The following BTBD9 variants were observed in gnomAD, a reference collection of about 807,000 sequenced individuals.
The protein encoded by BTBD9 is BTB/POZ domain-containing protein 9.
BTBD9 carries 49 observed loss-of-function variants against 64.3 expected under a neutral mutation model. The observed-to-expected ratio is 0.76, with a 90% CI of 0.61 to 0.97. The LOEUF (loss-of-function observed/expected upper bound fraction) is 0.97. Among genes scored for constraint, BTBD9 ranks in the 50% least tolerant of loss-of-function variants. The pLI is 0.00. For missense variants in BTBD9, 598 were observed against 762.1 expected (o/e 0.78, Z 2.53); for synonymous variants, 260 against 274.7 (o/e 0.95, Z 0.53).
intron 10 of BTBD9, among the ~76,000 whole-genome samples, chr6:38,188,996 C>T (rs1761938697): frequency 6.6e-6 from 1 of 152,174 alleles, no homozygotes; most frequent in South Asian, 2.1e-4. Flanking sequence ...CTTTAGCCAA[C>T]AGAATAGCCA....
intron 6 of BTBD9, among the ~76,000 whole-genome samples, chr6:38,359,993 A>C (rs1017697578): frequency 6.6e-6 from 1 of 152,204 alleles, no homozygotes; most frequent in Non-Finnish European, 1.5e-5. Context: ...CTTTTTAAAA[A>C]GTCATTTGAC....
chr6:38,588,104 T>C (rs1373451954), intron 4 of BTBD9: 3 of 736,388 alleles, frequency 4.1e-6, no homozygotes, highest in Non-Finnish European at 7.6e-6. Context: ...TGGTGCACCG[T>C]GTCTGCGGGC....
intron 9 of BTBD9, among the ~76,000 whole-genome samples, chr6:38,253,414 C>G (rs1048271038): frequency 1.3e-5 from 2 of 152,182 alleles, no homozygotes; most frequent in Non-Finnish European, 1.5e-5. Context: ...ATCACAAGGA[C>G]AGCATGGGGG....
chr6:38,577,560 T>C (rs1308492874), intron 6 of BTBD9, 40 bp downstream of exon 6: 16 of 1,569,300 alleles, frequency 1.0e-5, no homozygotes, highest in African/African-American at 4.1e-5. Flanking sequence ...AATCTCCTTA[T>C]ATAAGAATAA....
At chr6:38,284,778 G>A (rs575696206) in intron 8 of BTBD9, among the ~76,000 whole-genome samples, 15 of 152,154 alleles carry the variant, frequency 9.9e-5, no homozygotes, top group African/African-American at 3.1e-4. Flanking sequence ...GATAATGGAC[G>A]GTTAGAGAAG....
chr6:38,217,513 G>C (rs917728867), intron 9 of BTBD9, among the ~76,000 whole-genome samples: 1 of 151,888 alleles, frequency 6.6e-6, no homozygotes, highest in Non-Finnish European at 1.5e-5. Flanking sequence ...TGGGCAAGAA[G>C]GTTCCAAATG....
intron 7 of BTBD9, among the ~76,000 whole-genome samples, chr6:38,306,201 G>C (rs1415869629): frequency 6.6e-6 from 1 of 152,200 alleles, no homozygotes; most frequent in East Asian, 1.9e-4. Flanking sequence ...ATCTGGATGG[G>C]ACTGAGCTTT....
At chr6:38,430,011 G>T (rs1388944888) in intron 6 of BTBD9, among the ~76,000 whole-genome samples, 1 of 151,724 alleles carries the variant, frequency 6.6e-6, no homozygotes, top group Non-Finnish European at 1.5e-5. Flanking sequence ...ACCTACCCTG[G>T]GCTCCCATAT....
intron 6 of BTBD9, among the ~76,000 whole-genome samples, chr6:38,358,542 T>C (rs752154916): frequency 1.3e-5 from 2 of 151,954 alleles, no homozygotes; most frequent in Non-Finnish European, 2.9e-5. Context: ...AAATACCTCA[T>C]AGGTATGGGG....
intron 9 of BTBD9, among the ~76,000 whole-genome samples, chr6:38,240,904 G>A (rs1301517755): frequency 6.6e-6 from 1 of 152,194 alleles, no homozygotes; most frequent in Non-Finnish European, 1.5e-5. Context: ...GAGGGGCTCA[G>A]TGGTGCTCCG....
chr6:38,371,266 CT>C lies in BTBD9; in HGVS notation c.1155-26174del, dbSNP rs1324908600. 1.3e-5 allele frequency among the ~76,000 whole-genome samples: 2 copies of C among 152,162 alleles called. 1 individual carries two copies. The highest frequency in any genetic ancestry group is 6.3e-3 in the Middle Eastern group (2 of 316). ...TCTGTGTATTGTGCACAGATGAGAC[CT>C]TTTATTTTGTTAGAGTTTAACTTTG... On this transcript the variant is annotated intron_variant, in intron 6 of 10. Coordinates refer to ENST00000481247, the MANE Select transcript of BTBD9 (RefSeq NM_001099272.2).
At chr6:38,248,910 AC>A in intron 9 of BTBD9, among the ~76,000 whole-genome samples, 1 of 152,346 alleles carries the variant, frequency 6.6e-6, no homozygotes, top group East Asian at 1.9e-4. Context: ...AGATTTCCAT[AC>A]CGAAGCAAAC....
intron 7 of BTBD9, among the ~76,000 whole-genome samples, chr6:38,321,578 C>T (rs536216153): frequency 2.0e-5 from 3 of 152,186 alleles, no homozygotes; most frequent in Non-Finnish European, 4.4e-5. Flanking sequence ...ATAACACTGC[C>T]AAAGAAAACT....
intron 6 of BTBD9, among the ~76,000 whole-genome samples, chr6:38,365,628 C>A (rs1252713113): frequency 6.6e-6 from 1 of 152,024 alleles, no homozygotes; most frequent in East Asian, 1.9e-4. Context: ...CGTGGTGGCA[C>A]ACGCCTATAA....
At chr6:38,468,172 C>A (rs9470883) in intron 6 of BTBD9, among the ~76,000 whole-genome samples, 5,555 of 152,228 alleles carry the variant, frequency 0.036, 343 homozygotes, top group African/African-American at 0.12. Context: ...AACCACCATG[C>A]CCAGTCCCCC....
chr6:38,503,819 C>T (rs987891028), intron 6 of BTBD9, among the ~76,000 whole-genome samples: 6 of 152,142 alleles, frequency 3.9e-5, no homozygotes, highest in East Asian at 1.9e-4. Context: ...TCCTTTCTTC[C>T]GTTAAACCTC....
chr6:38,395,802 C>T (rs1177337249), intron 6 of BTBD9, among the ~76,000 whole-genome samples: 2 of 151,302 alleles, frequency 1.3e-5, no homozygotes, highest in African/African-American at 2.4e-5. Flanking sequence ...CTCTGCCTCC[C>T]GGGTTCAAGC....
chr6:38,571,974 TCA>T (rs3047794), intron 6 of BTBD9, among the ~76,000 whole-genome samples: 11 of 147,894 alleles, frequency 7.4e-5, no homozygotes, highest in African/African-American at 1.5e-4. Context: ...AAAGAAACAA[TCA>T]CACACACACA....
intron 6 of BTBD9, among the ~76,000 whole-genome samples, chr6:38,422,581 T>C (rs913605341): frequency 9.2e-5 from 14 of 152,124 alleles, no homozygotes; most frequent in Non-Finnish European, 7.4e-5. Flanking sequence ...ACCAATGTTC[T>C]AAATGAAATG....
Sources: allele counts gnomAD v4.1 joint callset (sites outside exome capture counted in the v4.1 genomes callset), GRCh38; gene constraint gnomAD v4.1.1; transcripts MANE v1.5; gene names NCBI Gene and HGNC (gene_info 2026-07-23, HGNC 2026-07-21).